Variants in CFAP52 observed in about 807,000 individuals in gnomAD.
CFAP52 encodes the protein cilia- and flagella-associated protein 52.
In CFAP52, 57 loss-of-function variants were observed where a neutral mutation model predicts 70.5. That is an observed-to-expected ratio of 0.81 (90% CI 0.65 to 1.01). CFAP52 has a LOEUF of 1.01. Among genes scored for constraint, CFAP52 ranks in the 50% least tolerant of loss-of-function variants. The probability of loss-of-function intolerance (pLI) is 0.00; values close to 1 mark genes in which losing one functional copy is unlikely to be tolerated. For synonymous variants in CFAP52, 267 were observed against 292.5 expected, an observed-to-expected ratio of 0.91 and a Z score of 0.89; for missense variants, 785 against 788.5, an observed-to-expected ratio of 1.00 and a Z score of 0.05.
chr17:9,628,901 T>C, intron 9 of CFAP52, 81 bp downstream of exon 9: 3 of 1,580,770 alleles, frequency 1.9e-6, no homozygotes, highest in South Asian at 1.2e-5. Context: ...TACTAGTCTC[T>C]ACATGTGGAT....
Position 9,612,413 on chromosome 17 carries a change from C to T in CFAP52, c.959C>T (p.Thr320Met), listed in dbSNP as rs376260961. The T allele has an allele frequency of 9.3e-6, 15 of 1,614,068 alleles. No individual in the cohort carries two copies. Among genetic ancestry groups the T allele is most frequent in the African/African-American group, 5.3e-5 (4 of 74,926 alleles). Residue 320 changes from threonine to methionine, a missense_variant, in exon 8 of 14, where the codon ACG becomes ATG. Thr to Met is a moderately conservative substitution (Grantham distance 81, BLOSUM62 -1). Transcript: ENST00000352665. ...TCGCACATTTATCGTGTCAGCTTCA[C>T]GGATTTCAAAGAGACGCTCATAGCG... ...EESHIYRVSF[T>M]DFKETLIATC...
At chr17:9,606,741 TC>T (rs1407026265) in intron 6 of CFAP52, among the ~76,000 whole-genome samples, 1 of 152,142 alleles carries the variant, frequency 6.6e-6, no homozygotes, top group African/African-American at 2.4e-5. Context: ...CATCCCCAAG[TC>T]CCCAGATAAA....
chr17:9,595,666 T>G (rs1908966321), intron 4 of CFAP52, among the ~76,000 whole-genome samples: 1 of 152,136 alleles, frequency 6.6e-6, no homozygotes, highest in Non-Finnish European at 1.5e-5. Context: ...AAAAGTTTTT[T>G]TAGGACAATC....
chr17:9,581,805 A>G (rs762005540), intron 1 of CFAP52, among the ~76,000 whole-genome samples: 31 of 152,348 alleles, frequency 2.0e-4, no homozygotes, highest in Admixed American at 7.2e-4. Context: ...CAGCCAATTG[A>G]GAGATGTAAC....
intron 1 of CFAP52, among the ~76,000 whole-genome samples, chr17:9,580,758 GA>G (rs35545462): frequency 6.8e-6 from 1 of 148,068 alleles, no homozygotes; most frequent in Non-Finnish European, 1.5e-5. Flanking sequence ...GGCAAAAAAA[GA>G]AAAAAAAAGG....
In CFAP52 at chr17:9,612,383, A is replaced by G; in HGVS notation, c.929A>G (p.Glu310Gly). 1 of 1,614,242 alleles carries G rather than the reference A, an allele frequency of 6.2e-7. No homozygotes were observed. The highest frequency in any genetic ancestry group is 8.5e-7 in the Non-Finnish European group (1 of 1,180,044). ...GEGHQFLVGTEESHIYRVSFT... is the reference protein window; with the variant it reads ...GEGHQFLVGTGESHIYRVSFT... ...GGACACCAGTTTCTCGTAGGAACAG[A>G]AGAATCGCACATTTATCGTGTCAGC... The change falls in exon 8 of 14, where the codon GAA becomes GGA. Residue 310 changes from glutamate (E) to glycine (G), a missense_variant. By Grantham distance (98) the Glu-to-Gly change is moderately conservative (BLOSUM62 -2). Coordinates refer to ENST00000352665, the MANE Select transcript of CFAP52 (RefSeq NM_145054.5).
chr17:9,635,565 C>CT lies in CFAP52; in HGVS notation c.1472+10dup. ...ATCATTTGGGACCTTGTGTAGGTAC[C>CT]TGTGATGGGGAGGATGCAGTGATAC... On this transcript the variant is annotated intron_variant, in intron 11 of 13. Transcript: ENST00000352665. The CT allele has an allele frequency of 6.2e-7, 1 of 1,614,104 alleles. No homozygotes were observed. The highest frequency in any genetic ancestry group is 8.5e-7 in the Non-Finnish European group (1 of 1,180,022).
At chr17:9,627,381 C>T (rs372781495) in intron 8 of CFAP52, among the ~76,000 whole-genome samples, 1 of 152,084 alleles carries the variant, frequency 6.6e-6, no homozygotes, top group South Asian at 2.1e-4. Context: ...CATGGTGGCA[C>T]ATGCCTGTAA....
intron 8 of CFAP52, among the ~76,000 whole-genome samples, chr17:9,628,282 CTTT>C (rs61617597): frequency 1.4e-5 from 2 of 139,278 alleles, no homozygotes; most frequent in Admixed American, 7.2e-5. Context: ...TCCCTATATT[CTTT>C]TTTTTTTTTT....
chr17:9,601,859 A>C (rs1211464312), intron 6 of CFAP52, among the ~76,000 whole-genome samples: 1 of 152,220 alleles, frequency 6.6e-6, no homozygotes, highest in Non-Finnish European at 1.5e-5. Context: ...CTCGTTTCTG[A>C]TAACAGAACA....
intron 8 of CFAP52, among the ~76,000 whole-genome samples, chr17:9,616,052 G>T (rs11656236): frequency 6.6e-6 from 1 of 151,164 alleles, no homozygotes; most frequent in African/African-American, 2.4e-5. Context: ...GAGCGACGCA[G>T]AAGACGGGTG....
chr17:9,629,474 CCTTTCTTT>C (rs71995451), intron 9 of CFAP52, among the ~76,000 whole-genome samples: 13 of 148,754 alleles, frequency 8.7e-5, no homozygotes, highest in Admixed American at 2.7e-4. Flanking sequence ...TCTTTCTTTC[CCTTTCTTT>C]CTTTCTTTCT....
chr17:9,580,556 ATGC>A (rs1444315104), intron 1 of CFAP52, among the ~76,000 whole-genome samples: 6 of 152,010 alleles, frequency 3.9e-5, no homozygotes, highest in Non-Finnish European at 7.4e-5. Context: ...AGGCATGGCG[ATGC>A]ATGCCTGTAG....
At chr17:9,593,262 T>C (rs1908846535) in intron 3 of CFAP52, among the ~76,000 whole-genome samples, 1 of 152,194 alleles carries the variant, frequency 6.6e-6, no homozygotes, top group East Asian at 1.9e-4. Context: ...GATAAAGTTG[T>C]ATGATTGCAC....
At chr17:9,593,454 T>C (rs1008743445) in intron 3 of CFAP52, among the ~76,000 whole-genome samples, 1 of 152,148 alleles carries the variant, frequency 6.6e-6, no homozygotes, top group Non-Finnish European at 1.5e-5. Context: ...TTTGTGTTTT[T>C]GTTTTTGTTT....
At position 9,576,714 on chromosome 17, in the gene CFAP52, C is replaced by G. The variant is rs1388628573; in HGVS notation, c.19C>G (p.Pro7Ala). The G allele has an allele frequency of 6.2e-7, 1 of 1,612,180 alleles. No individual in the cohort carries two copies. Among genetic ancestry groups the G allele is most frequent in the Non-Finnish European group, 8.5e-7 (1 of 1,179,106 alleles). Reference protein sequence around the residue: MDNKISPEAQVAELELD... With the variant: MDNKISAEAQVAELELD... ...CCCAAGGATGGATAACAAAATTTCG[C>G]CGGAGGCCCAAGTGGCGGAGCTGGA... The change falls in exon 1 of 14, where the codon CCG (proline) becomes GCG (alanine). Residue 7 changes from proline (P) to alanine (A), a missense_variant. By Grantham distance (27) the Pro-to-Ala change is conservative (BLOSUM62 -1). Coordinates refer to ENST00000352665, the MANE Select transcript of CFAP52 (RefSeq NM_145054.5).
At chr17:9,581,990 C>A (rs1195200532) in intron 1 of CFAP52, among the ~76,000 whole-genome samples, 1 of 152,156 alleles carries the variant, frequency 6.6e-6, no homozygotes, top group African/African-American at 2.4e-5. Context: ...AAACTTCCTG[C>A]CAGTTGTGTG....
chr17:9,604,080 A>G (rs1178316823), intron 6 of CFAP52, among the ~76,000 whole-genome samples: 1 of 152,172 alleles, frequency 6.6e-6, no homozygotes, highest in Non-Finnish European at 1.5e-5. Context: ...AAATAATGCT[A>G]AACACCTGGA....
chr17:9,622,092 C>T (rs1910062808), intron 8 of CFAP52, among the ~76,000 whole-genome samples: 3 of 152,144 alleles, frequency 2.0e-5, no homozygotes, highest in Admixed American at 1.3e-4. Flanking sequence ...GCAAGAGTCT[C>T]AGCATATTTT....
Sources: gnomAD v4.1 joint callset for allele counts (sites outside exome capture counted in the v4.1 genomes callset) on GRCh38, gnomAD v4.1.1 for gene constraint, MANE v1.5 for transcripts, NCBI Gene and HGNC (gene_info 2026-07-23, HGNC 2026-07-21) for gene names.